LMBRD1: variants seen among roughly 807,000 people sequenced by gnomAD.
The protein encoded by LMBRD1 is lysosomal cobalamin transport escort protein LMBD1.
In LMBRD1, 64 loss-of-function variants were observed where a neutral mutation model predicts 74.8. The ratio of observed to expected loss-of-function variants is 0.86; its 90% CI spans 0.70 to 1.05. The LOEUF (loss-of-function observed/expected upper bound fraction) is 1.05. Among genes scored for constraint, LMBRD1 ranks in the 50% least tolerant of loss-of-function variants. The probability of loss-of-function intolerance (pLI) is 0.00; values close to 1 mark genes in which losing one functional copy is unlikely to be tolerated. For missense variants in LMBRD1, 652 were observed against 645.9 expected (o/e 1.01, Z -0.10); for synonymous variants, 204 against 216.3 (o/e 0.94, Z 0.50).
intron 12 of LMBRD1, among the ~76,000 whole-genome samples, chr6:69,700,285 A>G (rs1766097267): frequency 6.6e-6 from 1 of 151,924 alleles, no homozygotes; most frequent in Admixed American, 6.6e-5. Flanking sequence ...TAAGCATTTG[A>G]AGAAAATAAC....
intron 1 of LMBRD1, among the ~76,000 whole-genome samples, chr6:69,792,183 C>T (rs770486209): frequency 6.6e-6 from 1 of 152,226 alleles, no homozygotes; most frequent in Non-Finnish European, 1.5e-5. Flanking sequence ...AATGCCCACA[C>T]GAGTGTGTAC....
At chr6:69,711,889 TA>T (rs1490002417) in intron 9 of LMBRD1, among the ~76,000 whole-genome samples, 1 of 152,084 alleles carries the variant, frequency 6.6e-6, no homozygotes, top group Non-Finnish European at 1.5e-5. Flanking sequence ...GCTACATAGG[TA>T]AACTTGCGTC....
intron 6 of LMBRD1, 43 bp downstream of exon 6, chr6:69,741,746 G>C (rs751158414): frequency 8.5e-7 from 1 of 1,175,146 alleles, no homozygotes; most frequent in South Asian, 1.2e-5. Flanking sequence ...CAAAGTATCA[G>C]GAAATATAAA....
At chr6:69,795,784 C>A (rs1766212219) in intron 1 of LMBRD1, among the ~76,000 whole-genome samples, 1 of 152,172 alleles carries the variant, frequency 6.6e-6, no homozygotes, top group South Asian at 2.1e-4. Context: ...CCATTCTTTT[C>A]TTTTATTTTC....
At chr6:69,743,193 T>C (rs941446381) in intron 5 of LMBRD1, among the ~76,000 whole-genome samples, 2 of 152,312 alleles carry the variant, frequency 1.3e-5, no homozygotes, top group Non-Finnish European at 1.5e-5. Flanking sequence ...TCCCAAAAAG[T>C]ATGCTCTGAA....
intron 7 of LMBRD1, among the ~76,000 whole-genome samples, chr6:69,723,469 T>C (rs1766661289): frequency 6.6e-6 from 1 of 152,102 alleles, no homozygotes; most frequent in South Asian, 2.1e-4. Flanking sequence ...ATATCAAGCA[T>C]CTTCTCTGAC....
At chr6:69,682,810 AT>A (rs1344656110) in intron 14 of LMBRD1, among the ~76,000 whole-genome samples, 1 of 152,030 alleles carries the variant, frequency 6.6e-6, no homozygotes, top group African/African-American at 2.4e-5. Flanking sequence ...CCTTGAGGTA[AT>A]TCATTTAGCT....
chr6:69,705,358 T>A (rs1766229828), intron 9 of LMBRD1: 1 of 810,692 alleles, frequency 1.2e-6, no homozygotes. Context: ...CAATTCTTCA[T>A]ATAATTGATG....
In LMBRD1 at chr6:69,725,511, A is replaced by C. The variant is rs117393699; in HGVS notation, c.637-6430T>G. ...ATTACAGAGCTATAGTAACTAAAAC[A>C]GCATGGTACTGGCATAAAAACAGAC... On this transcript the variant is annotated intron_variant, in intron 7 of 15. Transcript: ENST00000649934. Among the ~76,000 whole-genome samples, 1,074 of 152,260 alleles carry C rather than the reference A, an allele frequency of 7.1e-3. 23 individuals are homozygous for C. The East Asian group carries it at 0.079, about 11-fold the overall frequency.
In LMBRD1 at chr6:69,743,049, G is replaced by GTTGCCCCAGGTATGAAATC. The variant is rs1767138801; in HGVS notation, c.474-1173_474-1172insGATTTCATACCTGGGGCAA. Among the ~76,000 whole-genome samples the GTTGCCCCAGGTATGAAATC allele has an allele frequency of 4.6e-5, 7 of 152,008 alleles. No homozygotes were observed. In the South Asian group the frequency reaches 1.4e-3, roughly 31 times the overall value. On this transcript the variant is annotated intron_variant, in intron 5 of 15. Transcript: ENST00000649934. ...GCCCCAGGTATGAAATCAAACAAATGAAAGCAGAGGTGTGGAATCAAGAAA... is the reference window on the plus strand; with the variant it reads ...GCCCCAGGTATGAAATCAAACAAATGTTGCCCCAGGTATGAAATCAAAGCAGAGGTGTGGAATCAAGAAA...
intron 9 of LMBRD1, chr6:69,706,044 C>G: frequency 2.7e-6 from 2 of 733,506 alleles, no homozygotes; most frequent in Non-Finnish European, 5.0e-6. Context: ...ATAACTAGTG[C>G]TCATTTTCAT....
chr6:69,709,504 T>C (rs1766337832), intron 9 of LMBRD1, among the ~76,000 whole-genome samples: 1 of 152,180 alleles, frequency 6.6e-6, no homozygotes, highest in African/African-American at 2.4e-5. Flanking sequence ...TTTAGATCAA[T>C]ATTCAGAAAT....
chr6:69,706,966 T>C (rs1037846821), intron 9 of LMBRD1, among the ~76,000 whole-genome samples: 1 of 152,118 alleles, frequency 6.6e-6, no homozygotes, highest in Admixed American at 6.6e-5. Context: ...CTGCTCGAGG[T>C]CTCACAGGCC....
intron 7 of LMBRD1, among the ~76,000 whole-genome samples, chr6:69,737,474 G>T (rs1291219604): frequency 6.6e-6 from 1 of 151,776 alleles, no homozygotes; most frequent in Non-Finnish European, 1.5e-5. Flanking sequence ...GATTTTAAAA[G>T]CCCTATATCC....
chr6:69,776,057 T>A (rs1039310745), intron 3 of LMBRD1, among the ~76,000 whole-genome samples: 1 of 152,232 alleles, frequency 6.6e-6, no homozygotes, highest in Non-Finnish European at 1.5e-5. Flanking sequence ...TATTAACAAA[T>A]GTGGTTTTTT....
In LMBRD1 at chr6:69,752,284, T is replaced by C; in HGVS notation, c.380A>G (p.Asp127Gly). 3 of 1,610,630 alleles carry C rather than the reference T, an allele frequency of 1.9e-6. No homozygotes were observed. The South Asian group carries it at 3.3e-5, about 18-fold the overall frequency. ...PFVYFYYEEK[D>G]DDDTSKCTQI... Reference sequence around the variant, plus strand: ...AGTACATTTACTAGTATCATCATCATCCTTTTCTTCATAATAGAAGTAGAC... The same window carrying C: ...AGTACATTTACTAGTATCATCATCACCCTTTTCTTCATAATAGAAGTAGAC... The change falls in exon 4 of 16, where the codon GAT becomes GGT. Residue 127 changes from aspartate to glycine, a missense_variant. Transcript: ENST00000649934.
intron 3 of LMBRD1, among the ~76,000 whole-genome samples, chr6:69,773,300 A>C (rs12173563): frequency 6.6e-6 from 1 of 151,936 alleles, no homozygotes; most frequent in African/African-American, 2.4e-5. Context: ...GCCCTTACCA[A>C]ATGCCAGTTC....
At chr6:69,725,765 C>T (rs1206031101) in intron 7 of LMBRD1, among the ~76,000 whole-genome samples, 6 of 152,150 alleles carry the variant, frequency 3.9e-5, no homozygotes, top group Non-Finnish European at 7.4e-5. Flanking sequence ...AGATCAAAGA[C>T]CTCATACTAT....
Position 69,697,826 on chromosome 6 carries a change from C to T in LMBRD1, c.1339-185G>A, listed in dbSNP as rs79367650. ...AATTATGGTAAATTAAACATTAAGG[C>T]TTTTTGCAATAATCCTTTAGGTCCT... On this transcript the variant is annotated intron_variant, in intron 13 of 15. Coordinates refer to ENST00000649934, the MANE Select transcript of LMBRD1 (RefSeq NM_018368.4). Among the ~76,000 whole-genome samples, 1,219 of 152,084 alleles carry T rather than the reference C, an allele frequency of 8.0e-3. 12 individuals carry two copies. The highest frequency in any genetic ancestry group is 0.045 in the East Asian group (233 of 5,182).
Sources: gnomAD v4.1 joint callset for allele counts (sites outside exome capture counted in the v4.1 genomes callset) on GRCh38, gnomAD v4.1.1 for gene constraint, MANE v1.5 for transcripts, NCBI Gene and HGNC (gene_info 2026-07-23, HGNC 2026-07-21) for gene names.